The following EPHB1 variants were observed in gnomAD, a reference collection of about 807,000 sequenced individuals.
The protein encoded by EPHB1 is ephrin type-B receptor 1.
A neutral mutation model predicts 94.4 loss-of-function variants in EPHB1; 30 were observed. That is an observed-to-expected ratio of 0.32 (90% CI 0.24 to 0.43). The LOEUF is 0.43. Ranked by LOEUF, EPHB1 falls within the 20% of genes least tolerant of loss-of-function variation. The pLI is 1.00. For synonymous variants in EPHB1, 522 were observed against 489.1 expected, an observed-to-expected ratio of 1.07 and a Z score of -0.89; for missense variants, 1,055 against 1,308.3, an observed-to-expected ratio of 0.81 and a Z score of 2.99.
intron 13 of EPHB1, among the ~76,000 whole-genome samples, chr3:135,244,638 A>G (rs944512236): frequency 6.6e-5 from 10 of 152,200 alleles, no homozygotes; most frequent in Non-Finnish European, 1.3e-4. Context: ...CCTGTTCCCC[A>G]TACCTGCTAG....
chr3:135,244,088 C>T (rs1943861518), intron 13 of EPHB1, among the ~76,000 whole-genome samples: 1 of 152,166 alleles, frequency 6.6e-6, no homozygotes, highest in Admixed American at 6.5e-5. Flanking sequence ...GGGGCTCTGC[C>T]CACTTCCCAG....
rs57521935 is a variant in EPHB1 at position 135,245,513 on chromosome 3, C to CAAAAAA, written c.2497-2785_2497-2780dup. ...CAAAAACAAATACCAGAACAGTCTT[C>CAAAAAA]AAAAAAAAAAAAAAAAAAAAAAATC... On this transcript the variant is annotated intron_variant, in intron 13 of 15. Coordinates refer to ENST00000398015, the MANE Select transcript of EPHB1 (RefSeq NM_004441.5). Among the ~76,000 whole-genome samples, 47 of 124,010 alleles carry CAAAAAA rather than the reference C, an allele frequency of 3.8e-4. 1 individual carries two copies. The highest frequency in any genetic ancestry group is 9.5e-4 in the African/African-American group (28 of 29,526). 81.4% of individuals were successfully genotyped at this position (124,010 alleles called of 152,430 possible).
At chr3:135,059,310 T>C (rs1937429468) in intron 3 of EPHB1, among the ~76,000 whole-genome samples, 1 of 152,258 alleles carries the variant, frequency 6.6e-6, no homozygotes, top group Non-Finnish European at 1.5e-5. Flanking sequence ...CAGGTGTCAC[T>C]GAGAGTGCCT....
chr3:135,251,380 C>A (rs768164734), intron 15 of EPHB1, among the ~76,000 whole-genome samples: 1 of 152,124 alleles, frequency 6.6e-6, no homozygotes, highest in Non-Finnish European at 1.5e-5. Context: ...CCCATTTTCC[C>A]ACTGTGATTT....
intron 3 of EPHB1, among the ~76,000 whole-genome samples, chr3:135,010,693 A>G (rs1418924964): frequency 6.6e-6 from 1 of 150,878 alleles, no homozygotes; most frequent in East Asian, 2.0e-4. Context: ...CCTCGCAGGT[A>G]GCTGGGACTA....
Position 134,795,670 on chromosome 3 carries a change from C to T in EPHB1, c.39C>T (p.Ser13=), listed in dbSNP as rs750194923. 1 of 1,609,774 alleles carries T rather than the reference C, an allele frequency of 6.2e-7. No homozygotes were observed. Among genetic ancestry groups the T allele is most frequent in the Non-Finnish European group, 8.5e-7 (1 of 1,178,344 alleles). ...ATCTACTACTGCTCCTCCTGGCATC[C>T]GCAGTGGCTGCGATGGAAGGTAACG... ...LDYLLLLLLA[S]AVAAMEETLM... The change falls in exon 1 of 16, where the codon TCC becomes TCT. Residue 13 remains serine (S), a synonymous_variant. Transcript: ENST00000398015.
chr3:134,836,847 C>CT (rs1457987855), intron 1 of EPHB1, among the ~76,000 whole-genome samples: 1 of 152,128 alleles, frequency 6.6e-6, no homozygotes, highest in African/African-American at 2.4e-5. Flanking sequence ...AGCTCCCCTG[C>CT]TTTTTTAATT....
chr3:135,240,458 A>G (rs1195279338), intron 12 of EPHB1, among the ~76,000 whole-genome samples: 1 of 152,138 alleles, frequency 6.6e-6, no homozygotes, highest in East Asian at 1.9e-4. Flanking sequence ...AAACAAGCCT[A>G]AGAGTGGCCC....
At chr3:134,838,974 T>G (rs1235500831) in intron 1 of EPHB1, among the ~76,000 whole-genome samples, 3 of 152,244 alleles carry the variant, frequency 2.0e-5, no homozygotes, top group African/African-American at 7.2e-5. Context: ...ATTTCTTTTC[T>G]ACTATATATT....
intron 1 of EPHB1, among the ~76,000 whole-genome samples, chr3:134,909,120 G>GGGC (rs1553864851): frequency 9.0e-6 from 1 of 110,574 alleles, no homozygotes; most frequent in African/African-American, 3.6e-5. Context: ...GGGGGCGGGG[G>GGGC]GCGGGCTGGA....
rs1282445070 is a variant in EPHB1, at chr3:135,214,749, G to T, written c.2346+13060G>T. On this transcript the variant is annotated intron_variant, in intron 12 of 15. Coordinates refer to ENST00000398015, the MANE Select transcript of EPHB1 (RefSeq NM_004441.5). ...CACAATCGCTTCCATGCTGAAATCTGTAGGGCCCTTCCTTTCACAAAATTC... is the reference window on the plus strand; with the variant it reads ...CACAATCGCTTCCATGCTGAAATCTTTAGGGCCCTTCCTTTCACAAAATTC... Among the ~76,000 whole-genome samples, 3 of 152,178 alleles carry T rather than the reference G, an allele frequency of 2.0e-5. No homozygotes were observed. The East Asian group carries it at 5.8e-4, about 29-fold the overall frequency.
chr3:135,112,044 G>T (rs1393123252), intron 4 of EPHB1, among the ~76,000 whole-genome samples: 1 of 152,240 alleles, frequency 6.6e-6, no homozygotes, highest in East Asian at 1.9e-4. Flanking sequence ...CTGGGGCTGG[G>T]AGCAGTGACC....
At chr3:135,011,241 G>C (rs1237709766) in intron 3 of EPHB1, among the ~76,000 whole-genome samples, 1 of 152,212 alleles carries the variant, frequency 6.6e-6, no homozygotes, top group African/African-American at 2.4e-5. Context: ...GCAGTGGTCA[G>C]TTTTAGGGCA....
At chr3:135,142,601 T>A (rs1418227160) in intron 5 of EPHB1, among the ~76,000 whole-genome samples, 2 of 152,164 alleles carry the variant, frequency 1.3e-5, no homozygotes, top group Non-Finnish European at 2.9e-5. Context: ...CAAAAAGAGT[T>A]GCAGTGGGCT....
intron 3 of EPHB1, among the ~76,000 whole-genome samples, chr3:135,053,490 G>A (rs1937254647): frequency 6.6e-6 from 1 of 152,170 alleles, no homozygotes; most frequent in African/African-American, 2.4e-5. Context: ...GTAAGGATCA[G>A]GATGTAACAG....
chr3:135,231,309 A>G (rs1457435030), intron 12 of EPHB1, among the ~76,000 whole-genome samples: 1 of 152,204 alleles, frequency 6.6e-6, no homozygotes, highest in Non-Finnish European at 1.5e-5. Flanking sequence ...GTGGATAGTA[A>G]AAGAGAGCTG....
chr3:134,934,876 C>T (rs1482341993), intron 2 of EPHB1, among the ~76,000 whole-genome samples: 4 of 152,326 alleles, frequency 2.6e-5, no homozygotes, highest in East Asian at 3.9e-4. Flanking sequence ...TTTCTGTCCA[C>T]AGACTCTGGG....
chr3:134,890,453 A>G (rs1231975878), intron 1 of EPHB1, among the ~76,000 whole-genome samples: 1 of 152,182 alleles, frequency 6.6e-6, no homozygotes, highest in Non-Finnish European at 1.5e-5. Flanking sequence ...TTGAAAATTG[A>G]TGTATGCAGT....
chr3:134,882,798 C>CTTTCTTTCTTTCTTTCT (rs2037778832), intron 1 of EPHB1, among the ~76,000 whole-genome samples: 1 of 74,082 alleles, frequency 1.3e-5, no homozygotes. Flanking sequence ...TTCTTTCTTT[C>CTTTCTTTCTTTCTTTCT]TTTCTTTCTT....
Sources: allele counts gnomAD v4.1 joint callset (sites outside exome capture counted in the v4.1 genomes callset), GRCh38; gene constraint gnomAD v4.1.1; transcripts MANE v1.5; gene names NCBI Gene and HGNC (gene_info 2026-07-23, HGNC 2026-07-21).